Variants in JMY observed in about 807,000 individuals in gnomAD.
JMY encodes the protein junction mediating and regulatory protein, p53 cofactor, also known as junction-mediating and -regulatory protein.
JMY carries 46 observed loss-of-function variants against 103.3 expected under a neutral mutation model. The ratio of observed to expected loss-of-function variants is 0.45; its 90% CI spans 0.35 to 0.57. The LOEUF (loss-of-function observed/expected upper bound fraction) is 0.57. Ranked by LOEUF, JMY falls within the 20% of genes least tolerant of loss-of-function variation. The pLI is 0.00. For synonymous variants in JMY, 526 were observed against 489.3 expected, an observed-to-expected ratio of 1.07 and a Z score of -0.99; for missense variants, 1,238 against 1,255.2, an observed-to-expected ratio of 0.99 and a Z score of 0.21.
At chr5:79,258,850 A>G (rs1745334047) in intron 1 of JMY, among the ~76,000 whole-genome samples, 1 of 152,112 alleles carries the variant, frequency 6.6e-6, no homozygotes, top group African/African-American at 2.4e-5. Context: ...TGGCTGTAAC[A>G]TTGTGGGCAA....
chr5:79,262,554 A>G (rs1184814376), intron 1 of JMY, among the ~76,000 whole-genome samples: 6 of 152,252 alleles, frequency 3.9e-5, no homozygotes, highest in Non-Finnish European at 8.8e-5. Flanking sequence ...ATCTTTTGAA[A>G]TGAAGTTATA....
chr5:79,290,130 G>C lies in JMY; in HGVS notation c.1216G>C (p.Glu406Gln). 6.4e-7 allele frequency: 1 copy of C among 1,573,702 alleles called. No individual in the cohort carries two copies. The highest frequency in any genetic ancestry group is 8.6e-7 in the Non-Finnish European group (1 of 1,163,882). ...CTTTTTCTCTCTGAAGATTTCCATGGAGAATGATTATCTGGGACCTCGAAG... is the reference window on the plus strand; with the variant it reads ...CTTTTTCTCTCTGAAGATTTCCATGCAGAATGATTATCTGGGACCTCGAAG... ...LRRQQIKISMENDYLGPRRIE... is the reference protein window; with the variant it reads ...LRRQQIKISMQNDYLGPRRIE... The change falls in exon 3 of 11, where the codon GAG becomes CAG. Residue 406 changes from glutamate (E) to glutamine (Q), a missense_variant. By Grantham distance (29) the Glu-to-Gln change is conservative (BLOSUM62 2). Coordinates refer to ENST00000396137, the MANE Select transcript of JMY (RefSeq NM_152405.5).
At chr5:79,295,611 C>G (rs1427018518) in intron 4 of JMY, among the ~76,000 whole-genome samples, 2 of 152,172 alleles carry the variant, frequency 1.3e-5, no homozygotes, top group African/African-American at 2.4e-5. Context: ...AAGATGTTTA[C>G]TTGCCTCAAC....
intron 4 of JMY, among the ~76,000 whole-genome samples, chr5:79,294,543 G>A (rs1239206655): frequency 1.3e-5 from 2 of 152,074 alleles, no homozygotes; most frequent in African/African-American, 2.4e-5. Context: ...ATTCCAATTC[G>A]TGTGGCTGAA....
At chr5:79,309,359 C>T (rs1020507293) in intron 7 of JMY, among the ~76,000 whole-genome samples, 10 of 152,074 alleles carry the variant, frequency 6.6e-5, no homozygotes, top group Admixed American at 6.6e-4. Context: ...GAAGTTCCCC[C>T]TCTATTCCTA....
rs949453149 is a variant in JMY, at chr5:79,240,143, G to A, written c.1032+2461G>A. 2.0e-5 allele frequency among the ~76,000 whole-genome samples: 3 copies of A among 151,720 alleles called. No homozygotes were observed. The East Asian group carries it at 5.9e-4, about 30-fold the overall frequency. On this transcript the variant is annotated intron_variant, in intron 1 of 10. Transcript: ENST00000396137. ...TGATTCTCCTCCCTCAGCCTCCTGA[G>A]TAGCTGGGATTATAGGCGTGTGCCA...
intron 6 of JMY, among the ~76,000 whole-genome samples, chr5:79,303,228 T>A (rs1746788994): frequency 6.6e-6 from 1 of 152,148 alleles, no homozygotes. Context: ...AGGTGATTTT[T>A]AAAATATTTT....
intron 2 of JMY, among the ~76,000 whole-genome samples, chr5:79,279,288 T>G (rs1746040900): frequency 6.6e-6 from 1 of 152,092 alleles, no homozygotes. Flanking sequence ...GAGCCGAGAT[T>G]GCACCACTGC....
intron 2 of JMY, among the ~76,000 whole-genome samples, chr5:79,285,482 G>A (rs79214913): frequency 0.021 from 3,154 of 151,950 alleles, 134 homozygotes; most frequent in African/African-American, 0.071. Flanking sequence ...TGTGAACTAG[G>A]TAGTGCCACC....
At chr5:79,257,153 A>G (rs956065809) in intron 1 of JMY, among the ~76,000 whole-genome samples, 10 of 151,562 alleles carry the variant, frequency 6.6e-5, no homozygotes, top group East Asian at 1.9e-4. Context: ...GCTCACTGCA[A>G]TCTTTACCTC....
intron 1 of JMY, among the ~76,000 whole-genome samples, chr5:79,257,913 C>A (rs554737015): frequency 6.6e-6 from 1 of 152,172 alleles, no homozygotes; most frequent in South Asian, 2.1e-4. Context: ...TAGGCATGCA[C>A]CCCAACACCT....
At chr5:79,240,645 A>G (rs912082570) in intron 1 of JMY, among the ~76,000 whole-genome samples, 16 of 152,146 alleles carry the variant, frequency 1.1e-4, no homozygotes, top group African/African-American at 3.6e-4. Context: ...AAGGACAACA[A>G]ATAGTTTCAG....
intron 1 of JMY, among the ~76,000 whole-genome samples, chr5:79,241,798 C>G (rs1158792353): frequency 6.6e-6 from 1 of 152,106 alleles, no homozygotes; most frequent in Non-Finnish European, 1.5e-5. Context: ...CAAGAGTTTA[C>G]TATTGGAAGC....
At chr5:79,296,331 C>T (rs1343438360) in intron 4 of JMY, among the ~76,000 whole-genome samples, 1 of 152,172 alleles carries the variant, frequency 6.6e-6, no homozygotes, top group Non-Finnish European at 1.5e-5. Flanking sequence ...ACTTGTGTTA[C>T]CCATATTTGT....
intron 1 of JMY, among the ~76,000 whole-genome samples, chr5:79,265,767 A>G (rs1745568571): frequency 6.8e-6 from 1 of 146,528 alleles, no homozygotes; most frequent in Non-Finnish European, 1.5e-5. Context: ...CAGATTGCTC[A>G]TCTGTGATGA....
chr5:79,312,016 C>T (rs1320428980), intron 7 of JMY, among the ~76,000 whole-genome samples: 2 of 151,992 alleles, frequency 1.3e-5, no homozygotes, highest in Non-Finnish European at 2.9e-5. Flanking sequence ...AGGGTTTCAC[C>T]ATGTTGGCCT....
intron 2 of JMY, among the ~76,000 whole-genome samples, chr5:79,285,961 CT>C (rs11362405): frequency 0.71 from 107,555 of 152,048 alleles, 39,087 homozygotes; most frequent in African/African-American, 0.9. Context: ...CTGACACGCG[CT>C]TTTTTTCCGT....
Position 79,258,577 on chromosome 5 carries a change from C to T in JMY, c.1033-19333C>T, listed in dbSNP as rs553869046. Among the ~76,000 whole-genome samples the T allele has an allele frequency of 5.9e-5, 9 of 152,198 alleles. No individual in the cohort carries two copies. The South Asian group carries it at 1.9e-3, about 32-fold the overall frequency. On this transcript the variant is annotated intron_variant, in intron 1 of 10. Transcript: ENST00000396137. ...GTGTGTTAGTGAGCGTGGGGTCTGG[C>T]CACTGCATACAACCAGGCACTCTGG... is the stretch of plus-strand genomic sequence containing the variant.
intron 1 of JMY, among the ~76,000 whole-genome samples, chr5:79,260,559 T>C (rs1402298056): frequency 6.7e-6 from 1 of 148,514 alleles, no homozygotes; most frequent in East Asian, 2.0e-4. Context: ...TTTTGTGGGT[T>C]TTTTTTTTTT....
Sources: allele counts gnomAD v4.1 joint callset (sites outside exome capture counted in the v4.1 genomes callset), GRCh38; gene constraint gnomAD v4.1.1; transcripts MANE v1.5; gene names NCBI Gene and HGNC (gene_info 2026-07-23, HGNC 2026-07-21).